Variants in SDCBP2 observed in about 807,000 individuals in gnomAD.
SDCBP2 encodes syndecan binding protein 2.
In SDCBP2, 28 loss-of-function variants were observed where a neutral mutation model predicts 30.7. That is an observed-to-expected ratio of 0.91 (90% confidence interval 0.68 to 1.25). The LOEUF (loss-of-function observed/expected upper bound fraction) is 1.25. Among genes scored for constraint, SDCBP2 ranks in the 50% most tolerant of loss-of-function variants. The probability of loss-of-function intolerance (pLI) is 0.00; values close to 1 mark genes in which losing one functional copy is unlikely to be tolerated. For synonymous variants in SDCBP2, 166 were observed against 157.3 expected, an observed-to-expected ratio of 1.06 and a Z score of -0.41; for missense variants, 399 against 379.0, an observed-to-expected ratio of 1.05 and a Z score of -0.44.
rs1219670424 is a variant in SDCBP2 at position 1,313,830 on chromosome 20, A to G, written c.226-332T>C. Among the ~76,000 whole-genome samples, 2 of 152,242 alleles carry G rather than the reference A, an allele frequency of 1.3e-5. No individual in the cohort carries two copies. Among genetic ancestry groups the G allele is most frequent in the African/African-American group, 4.8e-5 (2 of 41,466 alleles). ...TAAAATAGAAAAAGTCACAGTAAAT[A>G]GTGAGCAACAGGGGATAAAAGGACT... On this transcript the variant is annotated intron_variant, in intron 4 of 8. Coordinates refer to ENST00000360779, the MANE Select transcript of SDCBP2 (RefSeq NM_080489.5). The surrounding 1 kb of genome is among the most constrained non-coding windows in gnomAD (Gnocchi z 5.2).
intron 4 of SDCBP2, among the ~76,000 whole-genome samples, chr20:1,316,230 G>C (rs1405894779): frequency 6.6e-6 from 1 of 152,184 alleles, no homozygotes; most frequent in Non-Finnish European, 1.5e-5. Flanking sequence ...AGGTGCCAGG[G>C]AAATGCAAAT....
In SDCBP2 at chr20:1,313,710, A is replaced by T; in HGVS notation, c.226-212T>A. On this transcript the variant is annotated intron_variant, in intron 4 of 8. Coordinates refer to ENST00000360779, the MANE Select transcript of SDCBP2 (RefSeq NM_080489.5). The surrounding 1 kb of genome is among the most constrained non-coding windows in gnomAD (Gnocchi z 5.2). ...TCAAAGTCCATGCCCTTAAAAAGCC[A>T]GGAAAACGGGGAGGGAAGGGGCGAG... 7.7e-7 allele frequency: 1 copy of T among 1,304,740 alleles called. No homozygotes were observed. 80.8% of individuals were successfully genotyped at this position (1,304,740 alleles called of 1,614,324 possible).
Position 1,319,683 on chromosome 20 carries a change from G to A in SDCBP2, c.55-24C>T, listed in dbSNP as rs778527818. On this transcript the variant is annotated intron_variant, in intron 2 of 8. Coordinates refer to ENST00000360779, the MANE Select transcript of SDCBP2 (RefSeq NM_080489.5). The stretch of plus-strand genomic sequence containing the variant: ...GCCTGGGGAGGAGCAGGGAGCACTG[G>A]TCAGCTGTGGCCAGGACCCCAGGAA... 31 of 1,530,358 alleles carry A rather than the reference G, an allele frequency of 2.0e-5. No homozygotes were observed. In the South Asian group the frequency reaches 2.1e-4, roughly 11 times the overall value. 94.8% of individuals were successfully genotyped at this position (1,530,358 alleles called of 1,614,324 possible). A position where few individuals can be genotyped will look rare whatever the true frequency, so the allele number is the denominator to read the frequency against.
Position 1,310,495 on chromosome 20 carries a change from C to T in SDCBP2, c.825G>A (p.Lys275=). The change falls in exon 9 of 9, where the codon AAG becomes AAA. Residue 275 remains lysine (K), a splice_region_variant and synonymous_variant. Coordinates refer to ENST00000360779, the MANE Select transcript of SDCBP2 (RefSeq NM_080489.5). The stretch of plus-strand genomic sequence containing the variant: ...TGTGGTGGAGCAGGACTGGAGGCAA[C>T]CTGGATACAGCAACAACAGTGACCA... The part of the protein sequence containing the change: ...PSVIYEHMVK[K]LPPVLLHHTM... 2.5e-6 allele frequency: 4 copies of T among 1,613,642 alleles called. No homozygotes were observed. The highest frequency in any genetic ancestry group is 2.5e-6 in the Non-Finnish European group (3 of 1,179,926).
Position 1,310,218 on chromosome 20 carries a change from G to A in SDCBP2, c.*223C>T, listed in dbSNP as rs2088639625. The A allele has an allele frequency of 2.1e-6, 1 of 482,566 alleles. No homozygotes were observed. 29.9% of individuals were successfully genotyped at this position (482,566 alleles called of 1,614,324 possible). ...CATTTAAATCAGCACAAGAGAATCG[G>A]CTGCCTGTGGGCCCTGCCTGAGCCT... is the stretch of plus-strand genomic sequence containing the variant. On this transcript the variant is annotated 3_prime_UTR_variant, in exon 9 of 9. Coordinates refer to ENST00000360779, the MANE Select transcript of SDCBP2 (RefSeq NM_080489.5).
chr20:1,313,449 C>A lies in SDCBP2; in HGVS notation c.275G>T (p.Gly92Val), dbSNP rs766012426. The A allele has an allele frequency of 3.3e-5, 53 of 1,600,580 alleles. No individual in the cohort carries two copies. In the Admixed American group the frequency reaches 8.6e-4, roughly 26 times the overall value. Residue 92 changes from glycine (G) to valine (V), a missense_variant, in exon 5 of 9, where the codon GGG becomes GTG. Physicochemically the swap from Gly to Val is moderately radical, Grantham distance 109 (BLOSUM62 -3). Transcript: ENST00000360779. The surrounding 1 kb of genome is among the most constrained non-coding windows in gnomAD (Gnocchi z 5.2). ...AGCTCGCCGCACGCCCAGGCTGTAC[C>A]CGGTTACCGGTGCCACCATCTGGCC... ...GPGQMVAPVT[G>V]YSLGVRRAEI...
In SDCBP2 at chr20:1,313,710, AG is replaced by A. The variant is rs2088724520; in HGVS notation, c.226-213del. On this transcript the variant is annotated intron_variant, in intron 4 of 8. Coordinates refer to ENST00000360779, the MANE Select transcript of SDCBP2 (RefSeq NM_080489.5). This position sits in a 1 kb window ranked among gnomAD's most constrained non-coding sequence, Gnocchi z 5.2. ...TCAAAGTCCATGCCCTTAAAAAGCC[AG>A]GAAAACGGGGAGGGAAGGGGCGAGG... is the stretch of plus-strand genomic sequence containing the variant. 7.7e-7 allele frequency: 1 copy of A among 1,304,740 alleles called. No individual in the cohort carries two copies. The highest frequency in any genetic ancestry group is 3.0e-5 in the East Asian group (1 of 33,292). The allele number at this position is 1,304,740 out of a possible 1,614,324, so 80.8% of individuals were successfully genotyped here.
At chr20:1,326,808 C>T (rs1294548822) in intron 1 of SDCBP2, among the ~76,000 whole-genome samples, 1 of 152,238 alleles carries the variant, frequency 6.6e-6, no homozygotes, top group Admixed American at 6.5e-5. Flanking sequence ...TGTTAACCCC[C>T]AGTGCTGAGC....
At position 1,313,727 on chromosome 20, in the gene SDCBP2, AG is replaced by A; in HGVS notation, c.226-230del. The A allele has an allele frequency of 3.3e-6, 4 of 1,221,366 alleles. No individual in the cohort carries two copies. The highest frequency in any genetic ancestry group is 4.2e-6 in the Non-Finnish European group (4 of 943,024). The allele number at this position is 1,221,366 out of a possible 1,614,324, so 75.7% of individuals were successfully genotyped here. A position where few individuals can be genotyped will look rare whatever the true frequency, so the allele number is the denominator to read the frequency against. ...AAAAAGCCAGGAAAACGGGGAGGGA[AG>A]GGGCGAGGATACAGGAAGAGGCCCT... On this transcript the variant is annotated intron_variant, in intron 4 of 8. Transcript: ENST00000360779. This position sits in a 1 kb window ranked among gnomAD's most constrained non-coding sequence, Gnocchi z 5.2.
At chr20:1,316,942 C>A (rs2088786440) in intron 4 of SDCBP2, among the ~76,000 whole-genome samples, 1 of 152,144 alleles carries the variant, frequency 6.6e-6, no homozygotes. Flanking sequence ...ACACAACAGC[C>A]TGGATGGATC....
intron 3 of SDCBP2, among the ~76,000 whole-genome samples, chr20:1,319,324 G>A (rs6109434): frequency 0.22 from 33,779 of 152,112 alleles, 3,859 homozygotes; most frequent in African/African-American, 0.26. Context: ...ACTTGAGCTG[G>A]GTTTGGAAGG....
At position 1,320,478 on chromosome 20, in the gene SDCBP2, T is replaced by C; in HGVS notation, c.-19-43A>G. 2 of 1,499,284 alleles carry C rather than the reference T, an allele frequency of 1.3e-6. No individual in the cohort carries two copies. Among genetic ancestry groups the C allele is most frequent in the South Asian group, 2.3e-5 (2 of 85,112 alleles). The allele number at this position is 1,499,284 out of a possible 1,614,324, so 92.9% of individuals were successfully genotyped here. On this transcript the variant is annotated intron_variant, in intron 1 of 8. Transcript: ENST00000360779. This position sits in a 1 kb window ranked among gnomAD's most constrained non-coding sequence, Gnocchi z 4.7. ...TGGGGAAGGATAAGGATGCAGCTGATGCCCCCTTGAAAGGAGGCACAGACA... is the reference window on the plus strand; with the variant it reads ...TGGGGAAGGATAAGGATGCAGCTGACGCCCCCTTGAAAGGAGGCACAGACA...
At chr20:1,316,587 A>G (rs918382834) in intron 4 of SDCBP2, among the ~76,000 whole-genome samples, 1 of 152,108 alleles carries the variant, frequency 6.6e-6, no homozygotes, top group African/African-American at 2.4e-5. Context: ...ATAGGATTTC[A>G]CCATGCTGCC....
chr20:1,318,331 G>A lies in SDCBP2; in HGVS notation c.212C>T (p.Pro71Leu), dbSNP rs781137455. 52 of 1,612,662 alleles carry A rather than the reference G, an allele frequency of 3.2e-5. No individual in the cohort carries two copies. The highest frequency in any genetic ancestry group is 4.2e-5 in the Non-Finnish European group (50 of 1,178,854). Residue 71 changes from proline (P) to leucine (L), a missense_variant, in exon 4 of 9, where the codon CCA becomes CTA. Coordinates refer to ENST00000360779, the MANE Select transcript of SDCBP2 (RefSeq NM_080489.5). ...CCAAATACATACACTGTCACCCTCT[G>A]GAATCTGAAGCAGGCTCTCCTGGAC... ...QEVQESLLQI[P>L]EGDSTAVSGP...
chr20:1,315,863 A>G (rs1276096008), intron 4 of SDCBP2, among the ~76,000 whole-genome samples: 1 of 152,182 alleles, frequency 6.6e-6, no homozygotes, highest in Non-Finnish European at 1.5e-5. Context: ...ATACACAAAG[A>G]ACTCCCAAAA....
chr20:1,312,694 C>G lies in SDCBP2; in HGVS notation c.453G>C (p.Gln151His), dbSNP rs770084396. 2 of 1,614,176 alleles carry G rather than the reference C, an allele frequency of 1.2e-6. No individual in the cohort carries two copies. Among genetic ancestry groups the G allele is most frequent in the East Asian group, 2.2e-5 (1 of 44,870 alleles). Residue 151 changes from glutamine (Q) to histidine (H), a missense_variant, in exon 6 of 9, where the codon CAG (glutamine) becomes CAC (histidine). By Grantham distance (24) the Gln-to-His change is conservative. Coordinates refer to ENST00000360779, the MANE Select transcript of SDCBP2 (RefSeq NM_080489.5). ...ASLVGLRFGD[Q>H]LLQIDGRDCA... is the part of the protein sequence containing the mutation. Reference sequence around the variant, plus strand: ...AGTCACGCCCGTCAATCTGCAGGAGCTGGTCCCCAAAGCGCAGCCCCACAA... The same window carrying G: ...AGTCACGCCCGTCAATCTGCAGGAGGTGGTCCCCAAAGCGCAGCCCCACAA...
At chr20:1,317,069 A>G (rs890001863) in intron 4 of SDCBP2, among the ~76,000 whole-genome samples, 1 of 152,196 alleles carries the variant, frequency 6.6e-6, no homozygotes, top group Non-Finnish European at 1.5e-5. Flanking sequence ...AGAGGGCCGG[A>G]TGCCAGGGGT....
At position 1,320,591 on chromosome 20, in the gene SDCBP2, C is replaced by G; in HGVS notation, c.-19-156G>C. The G allele has an allele frequency of 1.7e-6, 1 of 579,026 alleles. No individual in the cohort carries two copies. Among genetic ancestry groups the G allele is most frequent in the Non-Finnish European group, 3.1e-6 (1 of 322,710 alleles). The allele number at this position is 579,026 out of a possible 1,614,324, so 35.9% of individuals were successfully genotyped here. A position where few individuals can be genotyped will look rare whatever the true frequency, so the allele number is the denominator to read the frequency against. ...TGCCTCCCCGAACTCCACCCCTAAT[C>G]CCCTGTCGATATTTGAACTCTACTG... On this transcript the variant is annotated intron_variant, in intron 1 of 8. Transcript: ENST00000360779. The surrounding 1 kb of genome is among the most constrained non-coding windows in gnomAD (Gnocchi z 4.7).
chr20:1,323,475 T>C (rs1243108963), intron 1 of SDCBP2: 1 of 152,212 alleles, frequency 6.6e-6, no homozygotes, highest in Non-Finnish European at 1.5e-5. Context: ...AGAGATCCAT[T>C]TCCTGGAAAT....
Sources: allele counts gnomAD v4.1 joint callset (sites outside exome capture counted in the v4.1 genomes callset), GRCh38; gene constraint gnomAD v4.1.1; non-coding constraint Gnocchi (gnomAD v3.1); transcripts MANE v1.5; gene names NCBI Gene and HGNC (gene_info 2026-07-23, HGNC 2026-07-21).